TAF8: variants seen among roughly 807,000 people sequenced by gnomAD.
TAF8 encodes TATA-box binding protein associated factor 8, also known as transcription initiation factor TFIID subunit 8.
A neutral mutation model predicts 36.5 loss-of-function variants in TAF8; 47 were observed. The ratio of observed to expected loss-of-function variants is 1.29; its 90% CI spans 1.02 to 1.64. The LOEUF is 1.64. Among genes scored for constraint, TAF8 ranks in the 40% most tolerant of loss-of-function variants. The probability of loss-of-function intolerance (pLI) is 0.00; values close to 1 mark genes in which losing one functional copy is unlikely to be tolerated. For missense variants in TAF8, 420 were observed against 407.6 expected (o/e 1.03, Z -0.26); for synonymous variants, 175 against 159.5 (o/e 1.10, Z -0.73).
downstream of TAF8, among the ~76,000 whole-genome samples, chr6:42,083,939 T>C (rs924003626): frequency 3.3e-5 from 5 of 151,942 alleles, no homozygotes; most frequent in African/African-American, 9.7e-5. Flanking sequence ...CCCAGCACTT[T>C]GGGAGGCAGA....
At chr6:42,066,052 C>A (rs1443118648) in intron 5 of TAF8, among the ~76,000 whole-genome samples, 1 of 152,174 alleles carries the variant, frequency 6.6e-6, no homozygotes, top group Admixed American at 6.5e-5. Context: ...TGGTGCCCAC[C>A]ACCACACCCA....
chr6:42,058,974 T>C (rs544604668), intron 5 of TAF8, among the ~76,000 whole-genome samples: 1 of 152,252 alleles, frequency 6.6e-6, no homozygotes, highest in East Asian at 1.9e-4. Context: ...GACTGGAGTT[T>C]TATTATTACT....
intron 2 of TAF8, among the ~76,000 whole-genome samples, chr6:42,052,857 G>A (rs1051821452): frequency 6.6e-6 from 1 of 152,048 alleles, no homozygotes; most frequent in South Asian, 2.1e-4. Context: ...TAAAGAAGTG[G>A]ACAACTTAGC....
intron 5 of TAF8, among the ~76,000 whole-genome samples, chr6:42,061,507 G>A (rs1765188911): frequency 6.6e-6 from 1 of 152,122 alleles, no homozygotes; most frequent in Non-Finnish European, 1.5e-5. Flanking sequence ...TGAGACAAGT[G>A]TATGACAAAA....
Position 42,051,634 on chromosome 6 carries a change from A to T in TAF8, c.202+121A>T, listed in dbSNP as rs990222492. 3 of 1,212,814 alleles carry T rather than the reference A, an allele frequency of 2.5e-6. No individual in the cohort carries two copies. The African/African-American group carries it at 4.6e-5, about 18-fold the overall frequency. The allele number at this position is 1,212,814 out of a possible 1,614,324, so 75.1% of individuals were successfully genotyped here. Reference sequence around the variant, plus strand: ...TTTTTTCTTAAGAGGGGAGAAAAAAAATTTTTTTTAATGTAAAAAGTTGAG... The same window carrying T: ...TTTTTTCTTAAGAGGGGAGAAAAAATATTTTTTTTAATGTAAAAAGTTGAG... On this transcript the variant is annotated intron_variant, in intron 2 of 8. Transcript: ENST00000372977.
At position 42,077,634 on chromosome 6, in the gene TAF8, C is replaced by A; in HGVS notation, c.*89C>A. On this transcript the variant is annotated 3_prime_UTR_variant, in exon 9 of 9. Transcript: ENST00000372977. ...CTCAAGGGAAGAAGAGGGTGACCTC[C>A]TCATGGCCAAGCCGAGGCTGCAGGG... 1 of 1,573,130 alleles carries A rather than the reference C, an allele frequency of 6.4e-7. No homozygotes were observed. Among genetic ancestry groups the A allele is most frequent in the Admixed American group, 1.9e-5 (1 of 53,070 alleles).
rs1367999240 is a variant in TAF8, at chr6:42,068,467, A to G, written c.640A>G (p.Ile214Val). Residue 214 changes from isoleucine (I) to valine (V), a missense_variant and splice_region_variant, in exon 7 of 9, where the codon ATT becomes GTT. Physicochemically the swap from Ile to Val is conservative, Grantham distance 29 (BLOSUM62 3). Coordinates refer to ENST00000372977, the MANE Select transcript of TAF8 (RefSeq NM_138572.3). ...FKDDVSTFPL[I>V]AARPFTIPYL... ...ATGCCTCTCTTCCAATTCGCCAGTG[A>G]TTGCTGCCAGACCTTTCACCATCCC... 1.2e-6 allele frequency: 2 copies of G among 1,613,864 alleles called. No individual in the cohort carries two copies. The highest frequency in any genetic ancestry group is 1.3e-5 in the African/African-American group (1 of 74,904).
At position 42,078,242 on chromosome 6, in the gene TAF8, G is replaced by A. The variant is rs533068608; in HGVS notation, c.*697G>A. 37 of 985,520 alleles carry A rather than the reference G, an allele frequency of 3.8e-5. No individual in the cohort carries two copies. Among genetic ancestry groups the A allele is most frequent in the Non-Finnish European group, 4.3e-5 (36 of 829,990 alleles). 61.0% of individuals were successfully genotyped at this position (985,520 alleles called of 1,614,324 possible). A position where few individuals can be genotyped will look rare whatever the true frequency, so the allele number is the denominator to read the frequency against. ...GTGGTGGGGCATAGCAGCAGCCAGT[G>A]ACTTCGTTCATTATCACAGGATTTG... On this transcript the variant is annotated 3_prime_UTR_variant, in exon 9 of 9. Coordinates refer to ENST00000372977, the MANE Select transcript of TAF8 (RefSeq NM_138572.3).
In TAF8 at chr6:42,077,671, A is replaced by C. The variant is rs1765802234; in HGVS notation, c.*126A>C. 2 of 1,519,954 alleles carry C rather than the reference A, an allele frequency of 1.3e-6. No homozygotes were observed. The highest frequency in any genetic ancestry group is 1.8e-6 in the Non-Finnish European group (2 of 1,135,672). The allele number at this position is 1,519,954 out of a possible 1,614,324, so 94.2% of individuals were successfully genotyped here. ...CCGAGGCTGCAGGGTGTGATCGGACATGATTTTCATGGCAAACCGTCTTAT... is the reference window on the plus strand; with the variant it reads ...CCGAGGCTGCAGGGTGTGATCGGACCTGATTTTCATGGCAAACCGTCTTAT... On this transcript the variant is annotated 3_prime_UTR_variant, in exon 9 of 9. Coordinates refer to ENST00000372977, the MANE Select transcript of TAF8 (RefSeq NM_138572.3).
chr6:42,064,426 T>C (rs896411435), intron 5 of TAF8, among the ~76,000 whole-genome samples: 3 of 152,030 alleles, frequency 2.0e-5, no homozygotes, highest in Non-Finnish European at 4.4e-5. Flanking sequence ...GGCTAATTTT[T>C]GTATTTTTAG....
Position 42,076,032 on chromosome 6 carries a change from A to AC in TAF8, c.781-1064dup, listed in dbSNP as rs1312044431. 2.0e-5 allele frequency among the ~76,000 whole-genome samples: 3 copies of AC among 152,220 alleles called. No homozygotes were observed. In the East Asian group the frequency reaches 5.8e-4, roughly 29 times the overall value. ...AGACCATCCTGGCTAACATGGTGAA[A>AC]CCCCGTCTCTACTAAAAATAAAAAA... On this transcript the variant is annotated intron_variant, in intron 7 of 8. Transcript: ENST00000372977.
intron 5 of TAF8, among the ~76,000 whole-genome samples, 190 bp from the exon 6 acceptor site, chr6:42,066,122 A>C (rs1765352362): frequency 6.6e-6 from 1 of 152,140 alleles, no homozygotes; most frequent in Non-Finnish European, 1.5e-5. Context: ...GCTGGTCTCA[A>C]ACTCCTGATC....
rs188083067 is a variant in TAF8, at chr6:42,077,792, A to C, written c.*247A>C. 1 of 1,320,810 alleles carries C rather than the reference A, an allele frequency of 7.6e-7. No individual in the cohort carries two copies. The highest frequency in any genetic ancestry group is 9.8e-7 in the Non-Finnish European group (1 of 1,022,746). The allele number at this position is 1,320,810 out of a possible 1,614,324, so 81.8% of individuals were successfully genotyped here. A position where few individuals can be genotyped will look rare whatever the true frequency, so the allele number is the denominator to read the frequency against. On this transcript the variant is annotated 3_prime_UTR_variant, in exon 9 of 9. Transcript: ENST00000372977. ...TTATTTTGAGATGGAGTCTTACTCT[A>C]TCACCCAGGCTGGAATGCAGTGGTG...
Position 42,077,867 on chromosome 6 carries a change from C to A in TAF8, c.*322C>A. The A allele has an allele frequency of 1.5e-6, 1 of 646,038 alleles. No homozygotes were observed. Among genetic ancestry groups the A allele is most frequent in the Non-Finnish European group, 2.1e-6 (1 of 470,172 alleles). 40.0% of individuals were successfully genotyped at this position (646,038 alleles called of 1,614,324 possible). On this transcript the variant is annotated 3_prime_UTR_variant, in exon 9 of 9. Transcript: ENST00000372977. ...GCAACCCTGGGTCCAAGTGATTCTCCTGCCTTGGCCTCCCGAGTAGCTGGG... is the reference window on the plus strand; with the variant it reads ...GCAACCCTGGGTCCAAGTGATTCTCATGCCTTGGCCTCCCGAGTAGCTGGG...
chr6:42,087,078 G>T, downstream of TAF8: 2 of 384,246 alleles, frequency 5.2e-6, no homozygotes, highest in Non-Finnish European at 4.8e-6. Flanking sequence ...CTCGCCTGAA[G>T]CCTTCCTCTG....
chr6:42,080,022 C>T lies in TAF8; in HGVS notation c.*2477C>T. On this transcript the variant is annotated 3_prime_UTR_variant, in exon 9 of 9. Coordinates refer to ENST00000372977, the MANE Select transcript of TAF8 (RefSeq NM_138572.3). ...AAAAAAAAAAAATTGGATTCCCCAA[C>T]TGGACTAAATAGGAGTTTTTCAGGT... 1.0e-6 allele frequency: 1 copy of T among 985,162 alleles called. No individual in the cohort carries two copies. The highest frequency in any genetic ancestry group is 1.2e-6 in the Non-Finnish European group (1 of 829,902). The allele number at this position is 985,162 out of a possible 1,614,324, so 61.0% of individuals were successfully genotyped here.
At chr6:42,055,228 A>G (rs1764934905) in intron 2 of TAF8, among the ~76,000 whole-genome samples, 1 of 152,360 alleles carries the variant, frequency 6.6e-6, no homozygotes, top group South Asian at 2.1e-4. Context: ...CTGGTCTAGC[A>G]TAATGTTTTC....
chr6:42,057,590 C>A (rs745773178), intron 5 of TAF8, 77 bp downstream of exon 5: 1 of 1,571,618 alleles, frequency 6.4e-7, no homozygotes, highest in Admixed American at 1.8e-5. Flanking sequence ...GTGGCAGAGT[C>A]CAGTCCAAAA....
rs555121302 is a variant in TAF8 at position 42,071,249 on chromosome 6, G to A, written c.780+2642G>A. The A allele has an allele frequency of 6.5e-5, 12 of 184,654 alleles. No individual in the cohort carries two copies. The Admixed American group carries it at 6.7e-4, about 10-fold the overall frequency. 11.4% of individuals were successfully genotyped at this position (184,654 alleles called of 1,614,324 possible). Reference sequence around the variant, plus strand: ...CCCAAATGGCAGCCAGCCACCCTGGGTTGCTAGTGGAATATGCCTGTGTCA... The same window carrying A: ...CCCAAATGGCAGCCAGCCACCCTGGATTGCTAGTGGAATATGCCTGTGTCA... On this transcript the variant is annotated intron_variant, in intron 7 of 8. Coordinates refer to ENST00000372977, the MANE Select transcript of TAF8 (RefSeq NM_138572.3).
Sources: allele counts gnomAD v4.1 joint callset (sites outside exome capture counted in the v4.1 genomes callset), GRCh38; gene constraint gnomAD v4.1.1; transcripts MANE v1.5; gene names NCBI Gene and HGNC (gene_info 2026-07-23, HGNC 2026-07-21).